ARHGAP10: variants seen among roughly 807,000 people sequenced by gnomAD.
ARHGAP10 encodes Rho GTPase activating protein 10.
In ARHGAP10, 87 loss-of-function variants were observed where a neutral mutation model predicts 108.6. That is an observed-to-expected ratio of 0.80 (90% confidence interval 0.67 to 0.96). ARHGAP10 has a LOEUF of 0.96. Among genes scored for constraint, ARHGAP10 ranks in the 40% least tolerant of loss-of-function variants. The pLI is 0.00. For missense variants in ARHGAP10, 939 were observed against 954.5 expected, an observed-to-expected ratio of 0.98 and a Z score of 0.21; for synonymous variants, 347 against 341.1, an observed-to-expected ratio of 1.02 and a Z score of -0.19.
Position 147,924,990 on chromosome 4 carries a change from A to G in ARHGAP10, c.1228+11851A>G, listed in dbSNP as rs74565140. Among the ~76,000 whole-genome samples the G allele has an allele frequency of 9.3e-3, 1,416 of 151,712 alleles. 11 individuals carry two copies. Among genetic ancestry groups the G allele is most frequent in the South Asian group, 0.032 (153 of 4,802 alleles). Reference sequence around the variant, plus strand: ...CTTTCTATTTTTTTTTTTTTAAAATAGCAATTTACATTGGGAAATAAATCA... The same window carrying G: ...CTTTCTATTTTTTTTTTTTTAAAATGGCAATTTACATTGGGAAATAAATCA... On this transcript the variant is annotated intron_variant, in intron 13 of 22. Coordinates refer to ENST00000336498, the MANE Select transcript of ARHGAP10 (RefSeq NM_024605.4).
chr4:147,888,487 C>A (rs936189144), intron 10 of ARHGAP10, among the ~76,000 whole-genome samples: 8 of 152,028 alleles, frequency 5.3e-5, no homozygotes, highest in African/African-American at 1.9e-4. Flanking sequence ...TCATTCCTAC[C>A]ATATAAATAC....
intron 6 of ARHGAP10, 149 bp downstream of exon 6, chr4:147,865,105 C>T: frequency 1.5e-6 from 1 of 667,104 alleles, no homozygotes; most frequent in Non-Finnish European, 2.5e-6. Context: ...CACAGATAGC[C>T]ATGAAGTCAA....
intron 18 of ARHGAP10, among the ~76,000 whole-genome samples, chr4:147,991,551 C>T (rs113725394): frequency 3.3e-5 from 5 of 152,292 alleles, no homozygotes; most frequent in East Asian, 3.9e-4. Context: ...TAGTCACATG[C>T]GCATCCTTTA....
intron 19 of ARHGAP10, among the ~76,000 whole-genome samples, chr4:148,040,297 C>T (rs1017338859): frequency 1.3e-5 from 2 of 152,114 alleles, no homozygotes; most frequent in African/African-American, 2.4e-5. Context: ...CTGCCCCATG[C>T]TTGGTATATT....
At chr4:147,967,597 G>C (rs996219599) in intron 18 of ARHGAP10, among the ~76,000 whole-genome samples, 3 of 152,158 alleles carry the variant, frequency 2.0e-5, no homozygotes. Flanking sequence ...AATAAGTACT[G>C]TTTATGATTG....
intron 15 of ARHGAP10, among the ~76,000 whole-genome samples, chr4:147,951,697 C>A (rs530188556): frequency 2.6e-4 from 39 of 152,136 alleles, no homozygotes; most frequent in Non-Finnish European, 5.1e-4. Flanking sequence ...AAGTGATCCT[C>A]CCACCTTGGC....
At chr4:148,000,828 C>T (rs189599535) in intron 18 of ARHGAP10, among the ~76,000 whole-genome samples, 256 of 152,128 alleles carry the variant, frequency 1.7e-3, no homozygotes, top group Middle Eastern at 0.01. Flanking sequence ...GGATATTAGC[C>T]CTTTGTCAGA....
At chr4:147,851,932 C>A (rs900092125) in intron 4 of ARHGAP10, among the ~76,000 whole-genome samples, 4 of 152,112 alleles carry the variant, frequency 2.6e-5, no homozygotes, top group Non-Finnish European at 5.9e-5. Flanking sequence ...TCTTTCGGTG[C>A]CTTAATTAGC....
intron 14 of ARHGAP10, among the ~76,000 whole-genome samples, chr4:147,943,072 T>C (rs979771894): frequency 2.6e-5 from 4 of 152,200 alleles, no homozygotes; most frequent in African/African-American, 9.7e-5. Context: ...GTAAATGGAG[T>C]GAGAATGTAA....
intron 1 of ARHGAP10, among the ~76,000 whole-genome samples, chr4:147,768,490 G>A (rs1239723215): frequency 6.6e-6 from 1 of 151,324 alleles, no homozygotes; most frequent in Non-Finnish European, 1.5e-5. Context: ...CATCACAGTG[G>A]TCTCCCTAAT....
intron 18 of ARHGAP10, among the ~76,000 whole-genome samples, chr4:147,969,877 G>A (rs1372331006): frequency 1.3e-5 from 2 of 152,142 alleles, no homozygotes; most frequent in South Asian, 2.1e-4. Flanking sequence ...CACAACCAAC[G>A]TTAATTAAGT....
At position 147,732,469 on chromosome 4, in the gene ARHGAP10, C is replaced by T. The variant is rs896253334; in HGVS notation, c.154+14C>T. The T allele has an allele frequency of 1.2e-5, 19 of 1,608,424 alleles. No individual in the cohort carries two copies. In the African/African-American group the frequency reaches 1.7e-4, roughly 15 times the overall value. On this transcript the variant is annotated intron_variant, in intron 1 of 22. Coordinates refer to ENST00000336498, the MANE Select transcript of ARHGAP10 (RefSeq NM_024605.4). ...CTGCGACGAAAAGTAAGCGGGGACG[C>T]GGGCGCGGACGGGCTGCGGCGTGGC...
intron 5 of ARHGAP10, chr4:147,863,783 G>GT (rs1281472123): frequency 6.6e-6 from 1 of 152,162 alleles, no homozygotes; most frequent in Admixed American, 6.5e-5. Flanking sequence ...TGTTAGCTTA[G>GT]TAACACGTTA....
At chr4:147,913,737 C>T (rs1736847991) in intron 13 of ARHGAP10, among the ~76,000 whole-genome samples, 1 of 152,146 alleles carries the variant, frequency 6.6e-6, no homozygotes, top group Non-Finnish European at 1.5e-5. Context: ...TAGGGGGATA[C>T]AGTTCAGCCC....
chr4:147,738,366 A>T (rs1728505151), intron 1 of ARHGAP10, among the ~76,000 whole-genome samples: 1 of 152,086 alleles, frequency 6.6e-6, no homozygotes, highest in Admixed American at 6.5e-5. Flanking sequence ...CCTGGCTAAC[A>T]CGGTGAAACC....
chr4:147,879,618 A>G (rs375094244), intron 9 of ARHGAP10, among the ~76,000 whole-genome samples: 14 of 151,868 alleles, frequency 9.2e-5, no homozygotes, highest in Middle Eastern at 3.4e-3. Context: ...ATAGGTATGC[A>G]TGTGTCATGG....
intron 15 of ARHGAP10, among the ~76,000 whole-genome samples, chr4:147,950,034 T>C (rs1467219780): frequency 6.6e-6 from 1 of 152,194 alleles, no homozygotes; most frequent in African/African-American, 2.4e-5. Context: ...TGCTTCATCC[T>C]ATGGAATTTC....
intron 13 of ARHGAP10, among the ~76,000 whole-genome samples, chr4:147,914,846 A>C (rs917081774): frequency 6.6e-6 from 1 of 151,336 alleles, no homozygotes; most frequent in African/African-American, 2.4e-5. Context: ...AACCCAAAAC[A>C]TTTTTTTTTA....
chr4:147,831,617 T>G (rs1019883403), intron 3 of ARHGAP10, among the ~76,000 whole-genome samples: 1 of 152,384 alleles, frequency 6.6e-6, no homozygotes, highest in African/African-American at 2.4e-5. Context: ...AGTGACCTAA[T>G]TTTATGAAGA....
Sources: gnomAD v4.1 joint callset for allele counts (sites outside exome capture counted in the v4.1 genomes callset) on GRCh38, gnomAD v4.1.1 for gene constraint, MANE v1.5 for transcripts, NCBI Gene and HGNC (gene_info 2026-07-23, HGNC 2026-07-21) for gene names.